Variants in CRBN observed in about 807,000 individuals in gnomAD.
The protein encoded by CRBN is cereblon.
In CRBN, 53 loss-of-function variants were observed where a neutral mutation model predicts 62.2. That is an observed-to-expected ratio of 0.85 (90% confidence interval 0.68 to 1.07). The LOEUF (loss-of-function observed/expected upper bound fraction) is 1.07, where lower values mean the gene tolerates loss of function less well. CRBN is among the 50% of genes least tolerant of loss of function. The probability of loss-of-function intolerance (pLI) is 0.00; values close to 1 mark genes in which losing one functional copy is unlikely to be tolerated. For synonymous variants in CRBN, 208 were observed against 176.1 expected, an observed-to-expected ratio of 1.18 and a Z score of -1.43; for missense variants, 616 against 531.1, an observed-to-expected ratio of 1.16 and a Z score of -1.57.
intron 5 of CRBN, chr3:3,156,494 C>T: frequency 1.8e-6 from 1 of 565,584 alleles, no homozygotes; most frequent in Non-Finnish European, 3.1e-6. Flanking sequence ...CTAGAATCTT[C>T]ATTCCTATTT....
chr3:3,170,233 G>A (rs1707548509), intron 4 of CRBN, among the ~76,000 whole-genome samples: 1 of 152,098 alleles, frequency 6.6e-6, no homozygotes, highest in African/African-American at 2.4e-5. Context: ...CACATACCTT[G>A]GCCTTCCAGA....
chr3:3,150,785 T>TGTATCAGAGGC lies in CRBN; in HGVS notation c.*69_*79dup. The TGTATCAGAGGC allele has an allele frequency of 3.0e-6, 4 of 1,325,962 alleles. No individual in the cohort carries two copies. Among genetic ancestry groups the TGTATCAGAGGC allele is most frequent in the Non-Finnish European group, 4.3e-6 (4 of 940,816 alleles). 82.1% of individuals were successfully genotyped at this position (1,325,962 alleles called of 1,614,324 possible). ...TATTAATGTTATGTTTACTTAGGTA[T>TGTATCAGAGGC]GTATCAGAGGCAATAATTTCCAAAG... is the stretch of plus-strand genomic sequence containing the variant. On this transcript the variant is annotated 3_prime_UTR_variant, in exon 11 of 11. Coordinates refer to ENST00000231948, the MANE Select transcript of CRBN (RefSeq NM_016302.4).
chr3:3,153,532 T>G, intron 8 of CRBN, 44 bp from the exon 9 acceptor site: 1 of 1,081,344 alleles, frequency 9.2e-7, no homozygotes, highest in Non-Finnish European at 1.4e-6. Context: ...AAAACTGGCA[T>G]TCACTTTATC....
At chr3:3,179,108 T>C (rs953188932) in intron 1 of CRBN, among the ~76,000 whole-genome samples, 4 of 152,244 alleles carry the variant, frequency 2.6e-5, no homozygotes, top group Admixed American at 1.3e-4. Flanking sequence ...GGGCAAGTCA[T>C]TGAACTAATC....
intron 5 of CRBN, among the ~76,000 whole-genome samples, chr3:3,161,242 A>C (rs1707127869): frequency 6.6e-6 from 1 of 152,230 alleles, no homozygotes; most frequent in Admixed American, 6.5e-5. Context: ...GGAACTCCCA[A>C]GAAATCAACA....
rs1357390498 is a variant in CRBN, at chr3:3,153,777, G to GATAA, written c.951+179_951+182dup. On this transcript the variant is annotated intron_variant, in intron 8 of 10. Transcript: ENST00000231948. ...AAATCAAGTTATTTTTCACTAAGTT[G>GATAA]ATAAATGTATTCATATTTGACAAAC... 7.9e-6 allele frequency: 5 copies of GATAA among 635,242 alleles called. No homozygotes were observed. The African/African-American group carries it at 9.2e-5, about 12-fold the overall frequency. The allele number at this position is 635,242 out of a possible 1,614,324, so 39.4% of individuals were successfully genotyped here. A position where few individuals can be genotyped will look rare whatever the true frequency, so the allele number is the denominator to read the frequency against.
intron 6 of CRBN, chr3:3,155,994 G>T (rs1022696782): frequency 1.6e-5 from 8 of 494,720 alleles, no homozygotes; most frequent in African/African-American, 1.6e-4. Context: ...TGTAGAGATG[G>T]GGTTTCACCA....
chr3:3,163,860 T>A (rs937663492), intron 5 of CRBN, among the ~76,000 whole-genome samples: 1 of 152,212 alleles, frequency 6.6e-6, no homozygotes, highest in Non-Finnish European at 1.5e-5. Context: ...GGCAACCCTG[T>A]TTCAAGCAAG....
chr3:3,153,321 TG>T (rs1432594219), intron 9 of CRBN, 102 bp downstream of exon 9: 11 of 726,544 alleles, frequency 1.5e-5, no homozygotes, highest in Non-Finnish European at 2.7e-5. Context: ...GCTAAATGTT[TG>T]TAACTTTAAG....
chr3:3,155,091 C>G (rs762462953), intron 6 of CRBN: 3 of 502,008 alleles, frequency 6.0e-6, no homozygotes, highest in African/African-American at 1.9e-5. Context: ...GCAGATTGTT[C>G]TGTTCTATGC....
chr3:3,166,465 G>C (rs1379438045), intron 5 of CRBN, among the ~76,000 whole-genome samples: 2 of 152,102 alleles, frequency 1.3e-5, no homozygotes, highest in African/African-American at 4.8e-5. Context: ...CGTGAAAATG[G>C]ACTAATACAG....
rs1056418398 is a variant in CRBN at position 3,162,755 on chromosome 3, G to C, written c.687+4879C>G. Among the ~76,000 whole-genome samples, 107 of 152,290 alleles carry C rather than the reference G, an allele frequency of 7.0e-4. No homozygotes were observed. In the East Asian group the frequency reaches 0.019, roughly 27 times the overall value. On this transcript the variant is annotated intron_variant, in intron 5 of 10. Coordinates refer to ENST00000231948, the MANE Select transcript of CRBN (RefSeq NM_016302.4). The stretch of plus-strand genomic sequence containing the variant: ...AACCTTATTAGCTTGAGTTAGCTTA[G>C]TTATGTAAGCATCTCCCAACTCTGA...
intron 5 of CRBN, among the ~76,000 whole-genome samples, chr3:3,165,886 T>G (rs1196971877): frequency 6.6e-6 from 1 of 152,168 alleles, no homozygotes; most frequent in Non-Finnish European, 1.5e-5. Flanking sequence ...AGCAAACCAG[T>G]GCCAAACATA....
chr3:3,178,326 C>T (rs900305016), intron 1 of CRBN, among the ~76,000 whole-genome samples: 6 of 152,182 alleles, frequency 3.9e-5, no homozygotes, highest in Non-Finnish European at 8.8e-5. Flanking sequence ...ATGGTGGGCA[C>T]GCACTCAGTC....
chr3:3,172,656 G>T, intron 4 of CRBN, 120 bp downstream of exon 4: 1 of 1,034,782 alleles, frequency 9.7e-7, no homozygotes, highest in Non-Finnish European at 1.5e-6. Flanking sequence ...CCTTAGAAGG[G>T]AAAGAGAACA....
intron 1 of CRBN, among the ~76,000 whole-genome samples, chr3:3,176,640 G>A (rs1286338773): frequency 3.3e-5 from 5 of 152,220 alleles, no homozygotes; most frequent in Non-Finnish European, 5.9e-5. Flanking sequence ...GGAGGCTGAG[G>A]CAGGAGAATC....
intron 2 of CRBN, 22 bp downstream of exon 2, chr3:3,175,141 G>A (rs776654301): frequency 2.1e-6 from 3 of 1,409,772 alleles, no homozygotes; most frequent in African/African-American, 1.4e-5. Context: ...TATTATATTA[G>A]ATCTGTCACT....
chr3:3,179,477 G>T (rs1337269838), intron 1 of CRBN, 144 bp downstream of exon 1: 20 of 730,032 alleles, frequency 2.7e-5, no homozygotes, highest in Non-Finnish European at 4.4e-5. Context: ...GAGGGCCGAC[G>T]TGAAGCAGCT....
chr3:3,177,037 C>T (rs760134674), intron 1 of CRBN, among the ~76,000 whole-genome samples: 1 of 152,140 alleles, frequency 6.6e-6, no homozygotes, highest in Admixed American at 6.5e-5. Context: ...TAAGGGAGTC[C>T]TACTGGCATC....
Sources: gnomAD v4.1 joint callset for allele counts (sites outside exome capture counted in the v4.1 genomes callset) on GRCh38, gnomAD v4.1.1 for gene constraint, MANE v1.5 for transcripts, NCBI Gene and HGNC (gene_info 2026-07-23, HGNC 2026-07-21) for gene names.